Variants in GMEB2 observed in about 807,000 individuals in gnomAD.
The protein encoded by GMEB2 is glucocorticoid modulatory element binding protein 2.
GMEB2 carries 7 observed loss-of-function variants against 45.7 expected under a neutral mutation model. The ratio of observed to expected loss-of-function variants is 0.15; its 90% CI spans 0.09 to 0.29. The LOEUF (loss-of-function observed/expected upper bound fraction) is 0.29, where lower values mean the gene tolerates loss of function less well. Among genes scored for constraint, GMEB2 ranks in the 10% least tolerant of loss-of-function variants. GMEB2 has a pLI of 1.00. For synonymous variants in GMEB2, 322 were observed against 323.6 expected, an observed-to-expected ratio of 1.00 and a Z score of 0.05; for missense variants, 582 against 739.2, an observed-to-expected ratio of 0.79 and a Z score of 2.47.
intron 4 of GMEB2, among the ~76,000 whole-genome samples, chr20:63,601,985 G>C (rs1040303135): frequency 1.3e-5 from 2 of 151,074 alleles, no homozygotes; most frequent in Non-Finnish European, 3.0e-5. Context: ...GGCTTCTGTG[G>C]GGCCTGTGGC....
chr20:63,626,778 G>C (rs1004342945), intron 1 of GMEB2, among the ~76,000 whole-genome samples, 178 bp downstream of exon 1: 8 of 145,314 alleles, frequency 5.5e-5, no homozygotes, highest in African/African-American at 1.5e-4. Flanking sequence ...CGCGCCGCCC[G>C]CCTGACGCCG....
At chr20:63,613,725 G>T (rs540680122) in intron 2 of GMEB2, among the ~76,000 whole-genome samples, 1 of 152,162 alleles carries the variant, frequency 6.6e-6, no homozygotes, top group Admixed American at 6.5e-5. Context: ...ATGTTGGCCA[G>T]ACTGGTCTCA....
rs2083118838 is a variant in GMEB2 at position 63,589,021 on chromosome 20, A to C, written c.*1068T>G. 2.5e-6 allele frequency: 1 copy of C among 398,838 alleles called. No individual in the cohort carries two copies. The highest frequency in any genetic ancestry group is 4.4e-6 in the Non-Finnish European group (1 of 226,216). 24.7% of individuals were successfully genotyped at this position (398,838 alleles called of 1,614,324 possible). A position where few individuals can be genotyped will look rare whatever the true frequency, so the allele number is the denominator to read the frequency against. On this transcript the variant is annotated 3_prime_UTR_variant, in exon 10 of 10. Coordinates refer to ENST00000370077, the MANE Select transcript of GMEB2 (RefSeq NM_012384.5). ...CCCAGGGGCTCTCCCTTGGACAGAG[A>C]CCACCAAGGGCCAGCCCAGGGGCTG...
chr20:63,617,338 A>G (rs1005540896), intron 2 of GMEB2, among the ~76,000 whole-genome samples: 2 of 152,164 alleles, frequency 1.3e-5, no homozygotes, highest in Non-Finnish European at 2.9e-5. Context: ...CTCCATCATG[A>G]GGACACAGCA....
At chr20:63,622,202 A>C (rs1263332153) in intron 1 of GMEB2, among the ~76,000 whole-genome samples, 1 of 152,262 alleles carries the variant, frequency 6.6e-6, no homozygotes, top group Non-Finnish European at 1.5e-5. Flanking sequence ...ATCATTGTTA[A>C]TATAAAAATA....
rs561700218 is a variant in GMEB2, at chr20:63,610,382, G to A, written c.132-5542C>T. Reference sequence around the variant, plus strand: ...TAAAAATACAAAAAATTAGCCGGGCGTGGTGGCGGGCGCCTGTAGGCCCAG... The same window carrying A: ...TAAAAATACAAAAAATTAGCCGGGCATGGTGGCGGGCGCCTGTAGGCCCAG... On this transcript the variant is annotated intron_variant, in intron 2 of 9. Coordinates refer to ENST00000370077, the MANE Select transcript of GMEB2 (RefSeq NM_012384.5). Among the ~76,000 whole-genome samples, 210 of 152,262 alleles carry A rather than the reference G, an allele frequency of 1.4e-3. 1 individual carries two copies. Among genetic ancestry groups the A allele is most frequent in the Non-Finnish European group, 2.2e-3 (148 of 68,026 alleles).
chr20:63,609,070 CCCA>C (rs1289023325), intron 2 of GMEB2, among the ~76,000 whole-genome samples: 2 of 115,164 alleles, frequency 1.7e-5, no homozygotes, highest in Non-Finnish European at 3.8e-5. Context: ...TGCCCCTGAC[CCCA>C]CACCTCCATT....
chr20:63,602,822 C>G, intron 4 of GMEB2, 143 bp downstream of exon 4: 1 of 709,852 alleles, frequency 1.4e-6, no homozygotes, highest in Non-Finnish European at 2.4e-6. Flanking sequence ...ATTCCTCTTC[C>G]TGAAGGTTCT....
Position 63,603,078 on chromosome 20 carries a change from C to G in GMEB2, c.244G>C (p.Glu82Gln). The change falls in exon 4 of 10, where the codon GAG becomes CAG. Residue 82 changes from glutamate (E) to glutamine (Q), a missense_variant. Coordinates refer to ENST00000370077, the MANE Select transcript of GMEB2 (RefSeq NM_012384.5). ...ATCTCAGCTTCCAGGTTCTCCCCCT[C>G]TTCAGCCATCTTCACTTCTCACAGG... Reference protein sequence around the residue: ...KEAVLVKMAEEGENLEAEIVY... With the variant: ...KEAVLVKMAEQGENLEAEIVY... 1 of 1,614,084 alleles carries G rather than the reference C, an allele frequency of 6.2e-7. No individual in the cohort carries two copies. Among genetic ancestry groups the G allele is most frequent in the Non-Finnish European group, 8.5e-7 (1 of 1,179,972 alleles).
chr20:63,609,951 C>T (rs2146081090), intron 2 of GMEB2, among the ~76,000 whole-genome samples: 1 of 152,262 alleles, frequency 6.6e-6, no homozygotes, highest in Non-Finnish European at 1.5e-5. Context: ...AGAAACATGC[C>T]CCTCTGACCC....
chr20:63,589,403 A>C lies in GMEB2; in HGVS notation c.*686T>G, dbSNP rs2083122997. ...ATTCACTTAAAAACACCCTCAGTAC[A>C]TGTGCAACAATGCCTGGACCACGCC... On this transcript the variant is annotated 3_prime_UTR_variant, in exon 10 of 10. Transcript: ENST00000370077. 2.1e-5 allele frequency: 8 copies of C among 378,174 alleles called. No homozygotes were observed. The highest frequency in any genetic ancestry group is 4.5e-5 in the Admixed American group (1 of 21,986). 23.4% of individuals were successfully genotyped at this position (378,174 alleles called of 1,614,324 possible).
At chr20:63,608,969 T>A (rs35249116) in intron 2 of GMEB2, among the ~76,000 whole-genome samples, 662 of 9,358 alleles carry the variant, frequency 0.071, 84 homozygotes, top group Non-Finnish European at 0.13. Context: ...CCCCTCTGAC[T>A]CACCTCCATT....
At chr20:63,626,194 C>A (rs1741500110) in intron 1 of GMEB2, among the ~76,000 whole-genome samples, 1 of 39,512 alleles carries the variant, frequency 2.5e-5, no homozygotes, top group African/African-American at 6.5e-5. Flanking sequence ...GTGGTCCCTG[C>A]AGGTCAGGTC....
intron 2 of GMEB2, among the ~76,000 whole-genome samples, chr20:63,610,893 G>A (rs1324396915): frequency 2.6e-5 from 4 of 152,146 alleles, no homozygotes; most frequent in African/African-American, 4.8e-5. Context: ...GAGGCCCTAC[G>A]AGGACTCTGG....
intron 4 of GMEB2, 87 bp from the exon 5 acceptor site, chr20:63,597,947 C>T (rs965659163): frequency 2.8e-5 from 22 of 798,734 alleles, no homozygotes; most frequent in Admixed American, 1.0e-4. Context: ...GAGTCAGGCG[C>T]GCAAGGCAGG....
chr20:63,626,774 G>T (rs866129365), intron 1 of GMEB2, among the ~76,000 whole-genome samples, 182 bp downstream of exon 1: 3 of 145,692 alleles, frequency 2.1e-5, no homozygotes, highest in Non-Finnish European at 3.0e-5. Flanking sequence ...CGCCCGCGCC[G>T]CCCGCCTGAC....
rs990526263 is a variant in GMEB2 at position 63,587,682 on chromosome 20, T to C, written c.*2407A>G. On this transcript the variant is annotated 3_prime_UTR_variant, in exon 10 of 10. Coordinates refer to ENST00000370077, the MANE Select transcript of GMEB2 (RefSeq NM_012384.5). ...CAACATACAAAGCAAAACTCAAACA[T>C]GGCCCTTCCCTAGGGCGCCTCTGAG... The C allele has an allele frequency of 2.6e-5, 4 of 152,382 alleles. No homozygotes were observed. Among genetic ancestry groups the C allele is most frequent in the Non-Finnish European group, 5.9e-5 (4 of 68,040 alleles). The allele number at this position is 152,382 out of a possible 1,614,324, so 9.4% of individuals were successfully genotyped here. A position where few individuals can be genotyped will look rare whatever the true frequency, so the allele number is the denominator to read the frequency against.
Position 63,589,375 on chromosome 20 carries a change from G to A in GMEB2, c.*714C>T. 5.0e-6 allele frequency: 2 copies of A among 396,400 alleles called. No individual in the cohort carries two copies. The highest frequency in any genetic ancestry group is 8.9e-6 in the Non-Finnish European group (2 of 224,922). 24.6% of individuals were successfully genotyped at this position (396,400 alleles called of 1,614,324 possible). A position where few individuals can be genotyped will look rare whatever the true frequency, so the allele number is the denominator to read the frequency against. On this transcript the variant is annotated 3_prime_UTR_variant, in exon 10 of 10. Transcript: ENST00000370077. ...CTGACTCTTCCTAGAAGCCTACTAA[G>A]CAATTCACTTAAAAACACCCTCAGT... is the stretch of plus-strand genomic sequence containing the variant.
chr20:63,619,588 AGCG>A lies in GMEB2; in HGVS notation c.-57-137_-57-135del. 2.0e-6 allele frequency: 1 copy of A among 504,588 alleles called. No individual in the cohort carries two copies. Among genetic ancestry groups the A allele is most frequent in the South Asian group, 2.6e-5 (1 of 38,288 alleles). The allele number at this position is 504,588 out of a possible 1,614,324, so 31.3% of individuals were successfully genotyped here. A position where few individuals can be genotyped will look rare whatever the true frequency, so the allele number is the denominator to read the frequency against. On this transcript the variant is annotated intron_variant, in intron 1 of 9. Coordinates refer to ENST00000370077, the MANE Select transcript of GMEB2 (RefSeq NM_012384.5). The surrounding 1 kb of genome is among the most constrained non-coding windows in gnomAD (Gnocchi z 4.6). ...AGACTGCTACCTCCTGACAAAAACG[AGCG>A]GCAACAGAAGGGCTACTCCAGGCTC...
Sources: gnomAD v4.1 joint callset for allele counts (sites outside exome capture counted in the v4.1 genomes callset) on GRCh38, gnomAD v4.1.1 for gene constraint, Gnocchi (gnomAD v3.1) non-coding constraint, MANE v1.5 for transcripts, NCBI Gene and HGNC (gene_info 2026-07-23, HGNC 2026-07-21) for gene names.